The following GALNT13 variants were observed in gnomAD, a reference collection of about 807,000 sequenced individuals.
The protein encoded by GALNT13 is UDP-GalNAc:polypeptide N-acetylgalactosaminyltransferase 13.
A neutral mutation model predicts 64.2 loss-of-function variants in GALNT13; 28 were observed. The ratio of observed to expected loss-of-function variants is 0.44; its 90% CI spans 0.32 to 0.60. The LOEUF is 0.60. Among genes scored for constraint, GALNT13 ranks in the 20% least tolerant of loss-of-function variants. The pLI is 0.05. For synonymous variants in GALNT13, 214 were observed against 224.6 expected (o/e 0.95, Z 0.42); for missense variants, 577 against 669.8 (o/e 0.86, Z 1.53).
the GALNT13 span, among the ~76,000 whole-genome samples, chr2:153,483,646 C>T: frequency 6.6e-6 from 1 of 152,002 alleles, no homozygotes; most frequent in African/African-American, 2.4e-5. Context: ...GAACTCCCGA[C>T]CTCAGGTGAT....
At chr2:154,084,204 T>C (rs543520850) in intron 3 of GALNT13, among the ~76,000 whole-genome samples, 26 of 152,012 alleles carry the variant, frequency 1.7e-4, no homozygotes, top group African/African-American at 6.3e-4. Flanking sequence ...TAAAGAACTT[T>C]ACAAAATAAT....
intron 9 of GALNT13, among the ~76,000 whole-genome samples, chr2:154,377,263 T>C (rs1317158605): frequency 7.1e-6 from 1 of 141,700 alleles, no homozygotes; most frequent in Non-Finnish European, 1.5e-5. Context: ...ATATCTTTTC[T>C]GGGTTGTCTG....
chr2:153,567,485 T>C, the GALNT13 span, among the ~76,000 whole-genome samples: 1 of 152,210 alleles, frequency 6.6e-6, no homozygotes, highest in Non-Finnish European at 1.5e-5. Context: ...ATACCCTGCT[T>C]TGCAGGCACA....
the GALNT13 span, among the ~76,000 whole-genome samples, chr2:153,554,765 G>T: frequency 6.6e-6 from 1 of 152,064 alleles, no homozygotes; most frequent in Non-Finnish European, 1.5e-5. Flanking sequence ...GAACTGAAGT[G>T]ACAATCATTT....
At chr2:153,251,438 A>T in the GALNT13 span, among the ~76,000 whole-genome samples, 2 of 151,550 alleles carry the variant, frequency 1.3e-5, no homozygotes, top group African/African-American at 2.4e-5. Flanking sequence ...CAGCTATGAA[A>T]CTCTAACACT....
chr2:153,970,415 C>A (rs756006215), intron 3 of GALNT13, among the ~76,000 whole-genome samples: 1 of 152,172 alleles, frequency 6.6e-6, no homozygotes, highest in Admixed American at 6.5e-5. Context: ...TCACAATATC[C>A]TTTGCAGGTT....
the GALNT13 span, among the ~76,000 whole-genome samples, chr2:153,195,800 T>C: frequency 3.3e-5 from 5 of 152,238 alleles, no homozygotes; most frequent in Admixed American, 3.3e-4. Flanking sequence ...TATGCAGATA[T>C]GTGAAGGGTG....
chr2:153,664,023 G>A, the GALNT13 span, among the ~76,000 whole-genome samples: 1 of 152,116 alleles, frequency 6.6e-6, no homozygotes, highest in Non-Finnish European at 1.5e-5. Context: ...AGATCACAAG[G>A]CAAAATTAGA....
intron 4 of GALNT13, among the ~76,000 whole-genome samples, chr2:154,153,244 T>C (rs932958036): frequency 6.6e-6 from 1 of 152,080 alleles, no homozygotes; most frequent in Non-Finnish European, 1.5e-5. Context: ...TGCAGAACAG[T>C]GGATTTTCAT....
At chr2:153,331,598 C>G in the GALNT13 span, among the ~76,000 whole-genome samples, 1 of 151,960 alleles carries the variant, frequency 6.6e-6, no homozygotes, top group African/African-American at 2.4e-5. Flanking sequence ...AGATGTAGTC[C>G]GGGATGCTAG....
chr2:153,571,823 C>G, the GALNT13 span, among the ~76,000 whole-genome samples: 2 of 151,784 alleles, frequency 1.3e-5, no homozygotes, highest in Non-Finnish European at 3.0e-5. Flanking sequence ...AATGTTCTTT[C>G]TAATGTATTG....
intron 10 of GALNT13, among the ~76,000 whole-genome samples, chr2:154,403,501 C>G (rs1699392837): frequency 6.6e-6 from 1 of 151,906 alleles, no homozygotes; most frequent in African/African-American, 2.4e-5. Flanking sequence ...GATATTGTCT[C>G]TATCCCAGGT....
chr2:153,729,275 A>G, the GALNT13 span, among the ~76,000 whole-genome samples: 1 of 151,936 alleles, frequency 6.6e-6, no homozygotes, highest in Non-Finnish European at 1.5e-5. Context: ...AATTATTTGG[A>G]TATTTTAGAT....
the GALNT13 span, among the ~76,000 whole-genome samples, chr2:153,691,785 G>A: frequency 1.2e-4 from 18 of 152,124 alleles, no homozygotes; most frequent in South Asian, 1.9e-3. Flanking sequence ...CACTACTGGT[G>A]GTATTGAAAA....
the GALNT13 span, among the ~76,000 whole-genome samples, chr2:153,711,580 A>T: frequency 6.6e-6 from 1 of 152,144 alleles, no homozygotes; most frequent in Non-Finnish European, 1.5e-5. Flanking sequence ...TTTGACATGA[A>T]AGCTGTGTAT....
At chr2:153,401,927 AT>A in the GALNT13 span, among the ~76,000 whole-genome samples, 13 of 150,590 alleles carry the variant, frequency 8.6e-5, no homozygotes, top group Non-Finnish European at 1.8e-4. Context: ...GTCCATTTAC[AT>A]TTAAAGTTAA....
chr2:154,277,922 C>T (rs903849933), intron 8 of GALNT13, among the ~76,000 whole-genome samples: 2 of 152,136 alleles, frequency 1.3e-5, no homozygotes, highest in Non-Finnish European at 2.9e-5. Context: ...TTCTGTACTG[C>T]CACCATGATA....
the GALNT13 span, among the ~76,000 whole-genome samples, chr2:153,630,341 G>T: frequency 6.6e-6 from 1 of 151,824 alleles, no homozygotes; most frequent in South Asian, 2.1e-4. Context: ...AGTTCATGTC[G>T]TTTGTAGGGA....
chr2:153,643,283 C>T, the GALNT13 span, among the ~76,000 whole-genome samples: 46 of 151,066 alleles, frequency 3.0e-4, no homozygotes, highest in African/African-American at 1.1e-3. Context: ...ATGGAAAAAG[C>T]AAAAATAAGC....
Sources: allele counts gnomAD v4.1 joint callset (sites outside exome capture counted in the v4.1 genomes callset), GRCh38; gene constraint gnomAD v4.1.1; transcripts MANE v1.5; gene names NCBI Gene and HGNC (gene_info 2026-07-23, HGNC 2026-07-21).